The following TRHDE variants were observed in gnomAD, a reference collection of about 807,000 sequenced individuals.
TRHDE encodes the protein thyrotropin-releasing hormone-degrading ectoenzyme.
In TRHDE, 72 loss-of-function variants were observed where a neutral mutation model predicts 125.7. The observed-to-expected ratio is 0.57, with a 90% CI of 0.47 to 0.70. The LOEUF (loss-of-function observed/expected upper bound fraction) is 0.70, where lower values mean the gene tolerates loss of function less well. Ranked by LOEUF, TRHDE falls within the 30% of genes least tolerant of loss-of-function variation. The pLI is 0.00. For missense variants in TRHDE, 1,110 were observed against 1,327.1 expected (o/e 0.84, Z 2.54); for synonymous variants, 509 against 509.1 (o/e 1.00, Z 0.00).
intron 2 of TRHDE, among the ~76,000 whole-genome samples, chr12:72,122,166 C>G (rs1381187249): frequency 2.0e-5 from 3 of 152,126 alleles, no homozygotes; most frequent in Non-Finnish European, 4.4e-5. Flanking sequence ...CCATTTCAAA[C>G]CCATATTTTC....
At chr12:72,319,257 G>A (rs1868961347) in intron 2 of TRHDE, among the ~76,000 whole-genome samples, 1 of 152,096 alleles carries the variant, frequency 6.6e-6, no homozygotes, top group Non-Finnish European at 1.5e-5. Flanking sequence ...AGCTGTTTAG[G>A]TGAAAAGAGA....
intron 2 of TRHDE, among the ~76,000 whole-genome samples, chr12:72,242,012 T>C (rs973287867): frequency 6.6e-6 from 1 of 152,206 alleles, no homozygotes; most frequent in African/African-American, 2.4e-5. Context: ...TGTTATTGAG[T>C]TATAACAGTT....
At chr12:72,101,133 A>G (rs922820189) in intron 1 of TRHDE, among the ~76,000 whole-genome samples, 2 of 152,218 alleles carry the variant, frequency 1.3e-5, no homozygotes, top group African/African-American at 2.4e-5. Context: ...CACAGCATCT[A>G]GAAGCCTAAT....
chr12:72,613,407 C>T (rs753629448), intron 12 of TRHDE, among the ~76,000 whole-genome samples: 2 of 152,052 alleles, frequency 1.3e-5, no homozygotes, highest in African/African-American at 4.8e-5. Flanking sequence ...TATTTTTTAA[C>T]CTTCAAAAAA....
At chr12:72,364,663 T>G (rs903281989) in intron 2 of TRHDE, among the ~76,000 whole-genome samples, 11 of 152,154 alleles carry the variant, frequency 7.2e-5, no homozygotes, top group Admixed American at 2.0e-4. Context: ...ACAAGAGAGA[T>G]AATCAGTGAA....
At chr12:72,287,247 C>G (rs916121519) in intron 2 of TRHDE, among the ~76,000 whole-genome samples, 1 of 152,136 alleles carries the variant, frequency 6.6e-6, no homozygotes, top group Non-Finnish European at 1.5e-5. Context: ...GGAACAGCTA[C>G]TGTTGTCTCT....
chr12:72,566,370 A>ATAGT (rs1420032070), intron 9 of TRHDE, among the ~76,000 whole-genome samples: 3 of 151,840 alleles, frequency 2.0e-5, no homozygotes, highest in African/African-American at 2.4e-5. Flanking sequence ...CCCAAACCTT[A>ATAGT]TAGTTATAAC....
intron 6 of TRHDE, among the ~76,000 whole-genome samples, chr12:72,530,007 A>G (rs1401799479): frequency 2.6e-5 from 4 of 151,934 alleles, no homozygotes; most frequent in African/African-American, 9.7e-5. Context: ...CAATGCCTCC[A>G]CTCTGTACCG....
intron 2 of TRHDE, among the ~76,000 whole-genome samples, chr12:72,167,103 C>T (rs148636595): frequency 8.5e-5 from 13 of 152,222 alleles, no homozygotes; most frequent in Non-Finnish European, 1.6e-4. Flanking sequence ...AAAGGTCTCA[C>T]TCTGAGACAT....
chr12:72,659,080 G>C (rs866184987), intron 18 of TRHDE, among the ~76,000 whole-genome samples: 27 of 152,244 alleles, frequency 1.8e-4, no homozygotes, highest in Non-Finnish European at 2.5e-4. Flanking sequence ...ATTTCCAAGG[G>C]TTTATAGATC....
intron 3 of TRHDE, among the ~76,000 whole-genome samples, chr12:72,414,960 C>G (rs910210577): frequency 6.6e-6 from 1 of 152,060 alleles, no homozygotes; most frequent in Non-Finnish European, 1.5e-5. Context: ...TAGTAAGGGA[C>G]TAAACAAGGA....
At chr12:72,331,715 T>C (rs1869607507) in intron 2 of TRHDE, among the ~76,000 whole-genome samples, 1 of 152,154 alleles carries the variant, frequency 6.6e-6, no homozygotes, top group Admixed American at 6.5e-5. Context: ...TTTGTATACA[T>C]GCAGTGAGAA....
At chr12:72,308,100 G>A (rs1259931896) in intron 2 of TRHDE, among the ~76,000 whole-genome samples, 1 of 151,324 alleles carries the variant, frequency 6.6e-6, no homozygotes, top group Non-Finnish European at 1.5e-5. Flanking sequence ...TCATCCTCTA[G>A]TTTACATCAT....
chr12:72,341,787 A>C (rs1462879337), intron 2 of TRHDE, among the ~76,000 whole-genome samples: 7 of 152,178 alleles, frequency 4.6e-5, no homozygotes, highest in African/African-American at 7.2e-5. Flanking sequence ...AAATTAAAAC[A>C]TGTATCTGCG....
In TRHDE at chr12:72,407,055, A is replaced by G. The variant is rs142118133; in HGVS notation, c.1315+28934A>G. Among the ~76,000 whole-genome samples, 103 of 152,276 alleles carry G rather than the reference A, an allele frequency of 6.8e-4. 1 individual carries two copies. Among genetic ancestry groups the G allele is most frequent in the African/African-American group, 2.2e-3 (93 of 41,568 alleles). On this transcript the variant is annotated intron_variant, in intron 3 of 18. Transcript: ENST00000261180. ...AGCGTGATCAAGGCCTTAAAGAATC[A>G]GATTTGGGAGGATGAGTTGTCACAA... is the stretch of plus-strand genomic sequence containing the variant.
intron 3 of TRHDE, among the ~76,000 whole-genome samples, chr12:72,383,508 C>T (rs1026810042): frequency 6.6e-6 from 1 of 150,918 alleles, no homozygotes. Context: ...TACCCAGTAG[C>T]TGGGACTATA....
intron 3 of TRHDE, among the ~76,000 whole-genome samples, chr12:72,463,630 C>G (rs1478636930): frequency 6.6e-6 from 1 of 152,114 alleles, no homozygotes; most frequent in Admixed American, 6.5e-5. Flanking sequence ...CTGGAGGATA[C>G]CAGACTCTTT....
chr12:72,130,809 G>A (rs1241255180), intron 2 of TRHDE, among the ~76,000 whole-genome samples: 1 of 152,080 alleles, frequency 6.6e-6, no homozygotes, highest in Non-Finnish European at 1.5e-5. Context: ...ATTAATATGT[G>A]ACTGCAAACA....
chr12:72,370,759 T>C (rs77645596), intron 2 of TRHDE, among the ~76,000 whole-genome samples: 3 of 152,064 alleles, frequency 2.0e-5, no homozygotes, highest in Admixed American at 2.0e-4. Context: ...TTTTTTTTTT[T>C]TGAGATGGAG....
Sources: gnomAD v4.1 joint callset for allele counts (sites outside exome capture counted in the v4.1 genomes callset) on GRCh38, gnomAD v4.1.1 for gene constraint, MANE v1.5 for transcripts, NCBI Gene and HGNC (gene_info 2026-07-23, HGNC 2026-07-21) for gene names.